BBS9: variants seen among roughly 807,000 people sequenced by gnomAD.
The protein encoded by BBS9 is protein PTHB1.
Under a neutral mutation model 117.7 loss-of-function variants are expected in BBS9, and 89 were observed. That is an observed-to-expected ratio of 0.76 (90% CI 0.64 to 0.90). BBS9 has a LOEUF of 0.90. BBS9 is among the 40% of genes least tolerant of loss of function. The pLI is 0.00. For synonymous variants in BBS9, 379 were observed against 370.9 expected (o/e 1.02, Z -0.25); for missense variants, 982 against 1,042.2 (o/e 0.94, Z 0.80).
intron 20 of BBS9, among the ~76,000 whole-genome samples, chr7:33,518,608 C>G (rs963693223): frequency 1.8e-4 from 28 of 152,080 alleles, no homozygotes; most frequent in African/African-American, 6.3e-4. Context: ...ATATCTGATT[C>G]ACCTTTTTGG....
chr7:33,308,972 G>T (rs991732909), intron 9 of BBS9, among the ~76,000 whole-genome samples: 1 of 152,168 alleles, frequency 6.6e-6, no homozygotes, highest in African/African-American at 2.4e-5. Flanking sequence ...TTGGCACAAG[G>T]AAAGAATATG....
At chr7:33,171,847 T>C (rs77448879) in intron 4 of BBS9, among the ~76,000 whole-genome samples, 1,560 of 152,250 alleles carry the variant, frequency 0.01, 64 homozygotes, top group Admixed American at 0.061. Flanking sequence ...CCTTAATGTC[T>C]TCCCTTAGTC....
At chr7:33,595,819 C>T (rs957408895) in intron 21 of BBS9, among the ~76,000 whole-genome samples, 1 of 152,100 alleles carries the variant, frequency 6.6e-6, no homozygotes, top group Non-Finnish European at 1.5e-5. Context: ...GGTATGTATA[C>T]ACCATGGAAT....
intron 17 of BBS9, among the ~76,000 whole-genome samples, chr7:33,382,459 CAAAAAA>C (rs113930733): frequency 3.3e-5 from 4 of 122,624 alleles, no homozygotes; most frequent in Non-Finnish European, 3.5e-5. Context: ...GACCCTGTCT[CAAAAAA>C]AAAAAAAAAA....
At chr7:33,543,405 G>T (rs550114032) in intron 21 of BBS9, among the ~76,000 whole-genome samples, 139 of 152,140 alleles carry the variant, frequency 9.1e-4, no homozygotes, top group South Asian at 6.2e-4. Context: ...CACTCTGTGG[G>T]TTGTCTGTTT....
chr7:33,389,207 C>T (rs1276755520), intron 19 of BBS9, among the ~76,000 whole-genome samples: 1 of 150,682 alleles, frequency 6.6e-6, no homozygotes, highest in Non-Finnish European at 1.5e-5. Flanking sequence ...CCACCACATT[C>T]TAGACGCTTC....
At chr7:33,316,771 G>A (rs910898501) in intron 9 of BBS9, among the ~76,000 whole-genome samples, 4 of 152,176 alleles carry the variant, frequency 2.6e-5, no homozygotes, top group Middle Eastern at 3.4e-3. Context: ...ATAGAAGGAC[G>A]CAAGTCCTTT....
chr7:33,603,443 C>T (rs545831919), intron 21 of BBS9, among the ~76,000 whole-genome samples: 2 of 152,088 alleles, frequency 1.3e-5, no homozygotes, highest in African/African-American at 2.4e-5. Context: ...TCAGCCCCAC[C>T]GTGTGACAAG....
chr7:33,159,715 C>A (rs959813852), intron 4 of BBS9, among the ~76,000 whole-genome samples: 4 of 152,188 alleles, frequency 2.6e-5, no homozygotes, highest in African/African-American at 9.7e-5. Context: ...CTCATGGTCA[C>A]ACATCTTTTT....
chr7:33,329,628 A>G (rs935357583), intron 9 of BBS9, among the ~76,000 whole-genome samples: 5 of 152,146 alleles, frequency 3.3e-5, no homozygotes, highest in Admixed American at 6.5e-5. Flanking sequence ...TAAAATAACC[A>G]TGAAAGTAGA....
chr7:33,354,650 T>C (rs1447844783), intron 15 of BBS9, among the ~76,000 whole-genome samples: 1 of 152,120 alleles, frequency 6.6e-6, no homozygotes, highest in African/African-American at 2.4e-5. Flanking sequence ...CATATATACT[T>C]ATTTTTTTTC....
chr7:33,361,613 A>G (rs1820635762), intron 16 of BBS9, among the ~76,000 whole-genome samples: 1 of 152,158 alleles, frequency 6.6e-6, no homozygotes, highest in Non-Finnish European at 1.5e-5. Context: ...ATTATTAGGT[A>G]AAAAATGACA....
At chr7:33,277,318 A>G (rs924915654) in intron 9 of BBS9, among the ~76,000 whole-genome samples, 7 of 152,172 alleles carry the variant, frequency 4.6e-5, no homozygotes, top group African/African-American at 1.7e-4. Context: ...TCATTCCCTA[A>G]GAAGAGCCCC....
At chr7:33,587,787 T>C (rs150038124) in intron 21 of BBS9, among the ~76,000 whole-genome samples, 1 of 152,300 alleles carries the variant, frequency 6.6e-6, no homozygotes, top group East Asian at 1.9e-4. Flanking sequence ...TAGAGATTTA[T>C]GCTAGTAAAG....
chr7:33,576,511 C>T (rs1858900397), intron 21 of BBS9, among the ~76,000 whole-genome samples: 2 of 152,112 alleles, frequency 1.3e-5, no homozygotes, highest in African/African-American at 2.4e-5. Context: ...AATGTCGTCC[C>T]CATCAAGCTA....
intron 5 of BBS9, among the ~76,000 whole-genome samples, chr7:33,186,897 A>T (rs1160467983): frequency 6.6e-6 from 1 of 152,216 alleles, no homozygotes; most frequent in African/African-American, 2.4e-5. Flanking sequence ...AACAAGTTAC[A>T]GTTTGGACAT....
At chr7:33,174,933 A>G (rs1436770796) in intron 4 of BBS9, among the ~76,000 whole-genome samples, 2 of 152,262 alleles carry the variant, frequency 1.3e-5, no homozygotes, top group Non-Finnish European at 2.9e-5. Context: ...TTTAGAATCC[A>G]GAAAGCCTTC....
At chr7:33,161,651 G>C (rs1221918426) in intron 4 of BBS9, among the ~76,000 whole-genome samples, 1 of 152,160 alleles carries the variant, frequency 6.6e-6, no homozygotes, top group African/African-American at 2.4e-5. Context: ...TGGGATTGCT[G>C]GGTTAAATGG....
Position 33,376,373 on chromosome 7 carries a change from G to A in BBS9, c.1790-7293G>A, listed in dbSNP as rs10270137. ...CCATGTTTCTGCAAAGGACATGATC[G>A]TGTTCTTTATTATTGCTGCACAGTA... On this transcript the variant is annotated intron_variant, in intron 17 of 22. Transcript: ENST00000242067. 4.2e-3 allele frequency among the ~76,000 whole-genome samples: 641 copies of A among 152,120 alleles called. 5 individuals are homozygous for A. The highest frequency in any genetic ancestry group is 0.015 in the African/African-American group (615 of 41,534).
Sources: gnomAD v4.1 joint callset for allele counts (sites outside exome capture counted in the v4.1 genomes callset) on GRCh38, gnomAD v4.1.1 for gene constraint, MANE v1.5 for transcripts, NCBI Gene and HGNC (gene_info 2026-07-23, HGNC 2026-07-21) for gene names.